HMCN2: variants seen among roughly 807,000 people sequenced by gnomAD.
HMCN2 encodes the protein hemicentin 2.
HMCN2 carries 325 observed loss-of-function variants against 377.5 expected under a neutral mutation model. The ratio of observed to expected loss-of-function variants is 0.86; its 90% CI spans 0.79 to 0.94. The LOEUF is 0.94. Ranked by LOEUF, HMCN2 falls within the 40% of genes least tolerant of loss-of-function variation. The pLI, the probability that HMCN2 is intolerant of heterozygous loss-of-function variation, is 0.00. For synonymous variants in HMCN2, 2,007 were observed against 2,046.8 expected, an observed-to-expected ratio of 0.98 and a Z score of 0.53; for missense variants, 4,543 against 4,725.3, an observed-to-expected ratio of 0.96 and a Z score of 1.13.
intron 22 of HMCN2, among the ~76,000 whole-genome samples, chr9:130,336,556 G>T (rs981058957): frequency 1.1e-3 from 167 of 152,266 alleles, no homozygotes; most frequent in African/African-American, 3.9e-3. Flanking sequence ...CACAGCTAGC[G>T]CATGGCCTAG....
At position 130,268,480 on chromosome 9, in the gene HMCN2, G is replaced by A. The variant is rs144467720; in HGVS notation, c.259+2343G>A. Among the ~76,000 whole-genome samples the A allele has an allele frequency of 2.2e-4, 32 of 145,222 alleles. 1 individual carries two copies. In the East Asian group the frequency reaches 5.9e-3, roughly 27 times the overall value. ...GGGCATGGTTCATTCCACGGGGCTG[G>A]TAGCCCTCTGGGACAGGCCAGGTGG... On this transcript the variant is annotated intron_variant, in intron 1 of 97. Coordinates refer to ENST00000683500, the MANE Select transcript of HMCN2 (RefSeq NM_001291815.2).
chr9:130,423,981 C>CT lies in HMCN2; in HGVS notation c.13382-785dup, dbSNP rs113886984. Among the ~76,000 whole-genome samples the CT allele has an allele frequency of 9.1e-3, 1,348 of 148,450 alleles. 21 individuals carry two copies. The highest frequency in any genetic ancestry group is 0.025 in the African/African-American group (1,013 of 40,598). ...AACAAGGTACATGCATTTATTTCTT[C>CT]TTTTTTTTTTCTTTTTGAGACTGCT... On this transcript the variant is annotated intron_variant, in intron 87 of 97. Transcript: ENST00000683500. This position sits in a 1 kb window ranked among gnomAD's most constrained non-coding sequence, Gnocchi z 5.5.
intron 29 of HMCN2, among the ~76,000 whole-genome samples, chr9:130,350,378 C>CAAAAAAAAAAAAAAAAA (rs1448443171): frequency 2.7e-5 from 2 of 74,724 alleles, no homozygotes; most frequent in Non-Finnish European, 2.5e-5. Flanking sequence ...GCTAAAAATA[C>CAAAAAAAAAAAAAAAAA]AAAAAAATAC....
chr9:130,333,850 A>G (rs1838567158), intron 22 of HMCN2, among the ~76,000 whole-genome samples: 1 of 152,238 alleles, frequency 6.6e-6, no homozygotes, highest in Admixed American at 6.5e-5. Flanking sequence ...GAGCATGCGC[A>G]GGGTCATGAT....
chr9:130,399,250 CAAAAAAAA>C (rs35123847), intron 75 of HMCN2, among the ~76,000 whole-genome samples: 2 of 77,044 alleles, frequency 2.6e-5, no homozygotes, highest in African/African-American at 9.1e-5. Flanking sequence ...GAGACTGTCT[CAAAAAAAA>C]AAAAAAAAAA....
At chr9:130,364,594 C>T (rs1378215178) in intron 40 of HMCN2, 120 bp from the exon 41 acceptor site, 2 of 301,248 alleles carry the variant, frequency 6.6e-6, no homozygotes, top group Non-Finnish European at 9.8e-6. Context: ...GGACTGAAGG[C>T]AGAGGAAGGG....
At chr9:130,318,715 C>A (rs1837693924) in intron 15 of HMCN2, among the ~76,000 whole-genome samples, 1 of 152,120 alleles carries the variant, frequency 6.6e-6, no homozygotes, top group South Asian at 2.1e-4. Context: ...CCTTGTTTAG[C>A]CAGTCGTCCT....
chr9:130,349,005 C>T lies in HMCN2; in HGVS notation c.4177C>T (p.Arg1393Cys), dbSNP rs370258482. 7.7e-5 allele frequency: 100 copies of T among 1,304,152 alleles called. No individual in the cohort carries two copies. The highest frequency in any genetic ancestry group is 7.2e-4 in the East Asian group (13 of 18,018). The allele number at this position is 1,304,152 out of a possible 1,614,324, so 80.8% of individuals were successfully genotyped here. A position where few individuals can be genotyped will look rare whatever the true frequency, so the allele number is the denominator to read the frequency against. Residue 1393 changes from arginine (R) to cysteine (C), a missense_variant, in exon 28 of 98, where the codon CGC (arginine) becomes TGC (cysteine). Around this residue, in one of 5 missense-constraint regions of HMCN2, gnomAD observed 1,032 missense variants for 1,285.1 expected, o/e 0.80. Coordinates refer to ENST00000683500, the MANE Select transcript of HMCN2 (RefSeq NM_001291815.2). ...CCAGATTCCTAAGGTGGGCGGCCAC[C>T]GCCTCCTGGACGAGGGCCAGTCCCT... ...AQLIPKVGGH[R>C]LLDEGQSLHF...
At chr9:130,377,840 T>A in intron 53 of HMCN2, 41 bp downstream of exon 53, 22 of 985,622 alleles carry the variant, frequency 2.2e-5, no homozygotes, top group Non-Finnish European at 2.7e-5. Context: ...CGTCAGCCAG[T>A]GTGAGGACAT....
Position 130,396,078 on chromosome 9 carries a change from C to CCGG in HMCN2, c.11053+13_11053+14insCGG. ...GTGGAGATCCACAGTGAGTAGGGCC[C>CCGG]GCCCCACCCCACCCTGCCCACCTTA... On this transcript the variant is annotated intron_variant, in intron 72 of 97. Coordinates refer to ENST00000683500, the MANE Select transcript of HMCN2 (RefSeq NM_001291815.2). 2.4e-6 allele frequency: 3 copies of CCGG among 1,231,192 alleles called. No homozygotes were observed. The highest frequency in any genetic ancestry group is 3.2e-6 in the Non-Finnish European group (3 of 947,368). The allele number at this position is 1,231,192 out of a possible 1,614,324, so 76.3% of individuals were successfully genotyped here. A position where few individuals can be genotyped will look rare whatever the true frequency, so the allele number is the denominator to read the frequency against.
intron 25 of HMCN2, among the ~76,000 whole-genome samples, chr9:130,345,969 A>T (rs1839369861): frequency 6.6e-6 from 1 of 151,996 alleles, no homozygotes; most frequent in African/African-American, 2.4e-5. Flanking sequence ...CCTTCCAAGG[A>T]TGAAAGAGTG....
intron 22 of HMCN2, among the ~76,000 whole-genome samples, chr9:130,335,300 G>A (rs970043678): frequency 5.3e-5 from 8 of 152,126 alleles, no homozygotes; most frequent in African/African-American, 1.7e-4. Flanking sequence ...GGATTTGGCC[G>A]TTGATTGGTG....
Position 130,433,434 on chromosome 9 carries a change from T to TGCGCGCCCACCACGACGTG in HMCN2, c.14984_15002dup (p.Leu5003ProfsTer221). 2.0e-6 allele frequency: 3 copies of TGCGCGCCCACCACGACGTG among 1,495,018 alleles called. No individual in the cohort carries two copies. Among genetic ancestry groups the TGCGCGCCCACCACGACGTG allele is most frequent in the Non-Finnish European group, 2.7e-6 (3 of 1,130,596 alleles). 92.6% of individuals were successfully genotyped at this position (1,495,018 alleles called of 1,614,324 possible). On this transcript the variant is annotated frameshift_variant, in exon 98 of 98. Coordinates refer to ENST00000683500, the MANE Select transcript of HMCN2 (RefSeq NM_001291815.2). LOFTEE classifies it high-confidence loss of function. ...CGGCTGCTGCCGCTGCCCCTGGGCG[T>TGCGCGCCCACCACGACGTG]GCGCGCCCACCACGACGTGGCCCGC...
At chr9:130,276,515 G>A (rs1834703876) in intron 1 of HMCN2, among the ~76,000 whole-genome samples, 1 of 152,182 alleles carries the variant, frequency 6.6e-6, no homozygotes, top group African/African-American at 2.4e-5. Flanking sequence ...GAGTTGACAG[G>A]GACACTCAGG....
chr9:130,294,588 GAAGTGTGGA>G (rs782109034), intron 4 of HMCN2, among the ~76,000 whole-genome samples: 3 of 152,296 alleles, frequency 2.0e-5, no homozygotes, highest in Non-Finnish European at 2.9e-5. Flanking sequence ...GCCAGGTGGA[GAAGTGTGGA>G]AGAGTCTTCC....
At chr9:130,364,245 G>A (rs1170287689) in intron 40 of HMCN2, among the ~76,000 whole-genome samples, 1 of 152,168 alleles carries the variant, frequency 6.6e-6, no homozygotes, top group Non-Finnish European at 1.5e-5. Context: ...GCATCCCCAG[G>A]GCCTCGCATG....
chr9:130,338,998 G>T (rs1417426475), intron 23 of HMCN2, among the ~76,000 whole-genome samples: 3 of 152,026 alleles, frequency 2.0e-5, no homozygotes, highest in Non-Finnish European at 4.4e-5. Context: ...AGACCAGCCT[G>T]GGCAGCATAG....
At chr9:130,299,578 CCCACCCATCCACCCA>C (rs1228152720) in intron 8 of HMCN2, among the ~76,000 whole-genome samples, 5 of 151,474 alleles carry the variant, frequency 3.3e-5, no homozygotes, top group African/African-American at 1.2e-4. Context: ...CATTCACTCA[CCCACCCATCCACCCA>C]CCCATTCATC....
chr9:130,433,803 C>A lies in HMCN2; in HGVS notation c.*110C>A. 1 of 921,112 alleles carries A rather than the reference C, an allele frequency of 1.1e-6. No individual in the cohort carries two copies. Among genetic ancestry groups the A allele is most frequent in the Non-Finnish European group, 1.5e-6 (1 of 654,026 alleles). The allele number at this position is 921,112 out of a possible 1,614,324, so 57.1% of individuals were successfully genotyped here. On this transcript the variant is annotated 3_prime_UTR_variant, in exon 98 of 98. Coordinates refer to ENST00000683500, the MANE Select transcript of HMCN2 (RefSeq NM_001291815.2). ...CAAGCGGAGCGTCATCGTCTCCCGC[C>A]CCGTGCGTCAGCGAGACCTTGGGTC...
Sources: gnomAD v4.1 joint callset for allele counts (sites outside exome capture counted in the v4.1 genomes callset) on GRCh38, gnomAD v4.1.1 for gene constraint, gnomAD v4.1.1 regional missense constraint, Gnocchi (gnomAD v3.1) non-coding constraint, MANE v1.5 for transcripts, NCBI Gene and HGNC (gene_info 2026-07-23, HGNC 2026-07-21) for gene names.